SDC2: variants seen among roughly 807,000 people sequenced by gnomAD.
SDC2 encodes syndecan 2, also known as syndecan-2.
A neutral mutation model predicts 22.2 loss-of-function variants in SDC2; 13 were observed. That is an observed-to-expected ratio of 0.59 (90% CI 0.38 to 0.93). The LOEUF is 0.93. Ranked by LOEUF, SDC2 falls within the 40% of genes least tolerant of loss-of-function variation. The pLI is 0.00. For missense variants in SDC2, 235 were observed against 246.8 expected (o/e 0.95, Z 0.32); for synonymous variants, 94 against 92.8 (o/e 1.01, Z -0.07).
At chr8:96,555,218 G>T (rs1303655454) in intron 1 of SDC2, among the ~76,000 whole-genome samples, 1 of 151,958 alleles carries the variant, frequency 6.6e-6, no homozygotes, top group Non-Finnish European at 1.5e-5. Flanking sequence ...ATACTTAAGA[G>T]GTACCCACAT....
chr8:96,577,292 A>G (rs1192071588), intron 1 of SDC2, among the ~76,000 whole-genome samples: 1 of 152,216 alleles, frequency 6.6e-6, no homozygotes, highest in Non-Finnish European at 1.5e-5. Flanking sequence ...ACAAACAAGA[A>G]CCATCTCTTG....
chr8:96,542,546 C>A (rs1813868328), intron 1 of SDC2, among the ~76,000 whole-genome samples: 1 of 151,962 alleles, frequency 6.6e-6, no homozygotes, highest in Non-Finnish European at 1.5e-5. Flanking sequence ...CAAGCTTTTT[C>A]CAGTGGTCTC....
At chr8:96,521,410 G>C (rs1813495350) in intron 1 of SDC2, among the ~76,000 whole-genome samples, 1 of 152,174 alleles carries the variant, frequency 6.6e-6, no homozygotes, top group South Asian at 2.1e-4. Context: ...CTCGGATCTA[G>C]GGAGACTGCT....
intron 1 of SDC2, among the ~76,000 whole-genome samples, chr8:96,499,964 C>T (rs878977): frequency 5.9e-5 from 9 of 152,084 alleles, no homozygotes; most frequent in South Asian, 2.1e-4. Flanking sequence ...TGCAGATACC[C>T]GTGGGCCTGG....
At chr8:96,597,530 T>A (rs1814898803) in intron 2 of SDC2, among the ~76,000 whole-genome samples, 1 of 152,100 alleles carries the variant, frequency 6.6e-6, no homozygotes, top group Admixed American at 6.5e-5. Flanking sequence ...GAAAAACTTG[T>A]AACATGAGAG....
At chr8:96,609,320 CAATA>C in intron 4 of SDC2, 61 bp from the exon 5 acceptor site, 1 of 1,318,164 alleles carries the variant, frequency 7.6e-7, no homozygotes, top group Non-Finnish European at 1.0e-6. Context: ...TTAGGCTTGA[CAATA>C]AAGCTAATGT....
At chr8:96,519,500 A>C (rs1460483800) in intron 1 of SDC2, among the ~76,000 whole-genome samples, 1 of 152,170 alleles carries the variant, frequency 6.6e-6, no homozygotes, top group Non-Finnish European at 1.5e-5. Flanking sequence ...AAGGTTTAAC[A>C]AAATAGTTGT....
intron 1 of SDC2, among the ~76,000 whole-genome samples, chr8:96,539,850 G>C (rs954337994): frequency 6.6e-6 from 1 of 152,020 alleles, no homozygotes; most frequent in African/African-American, 2.4e-5. Flanking sequence ...TCTGGAGCAA[G>C]GTATAATTTA....
intron 1 of SDC2, among the ~76,000 whole-genome samples, chr8:96,519,485 C>T (rs1298463814): frequency 6.6e-6 from 1 of 151,980 alleles, no homozygotes; most frequent in African/African-American, 2.4e-5. Context: ...AGGTTGTTTT[C>T]TGGGAAGGTT....
intron 1 of SDC2, among the ~76,000 whole-genome samples, chr8:96,589,536 G>T (rs1449158187): frequency 6.6e-6 from 1 of 152,026 alleles, no homozygotes; most frequent in African/African-American, 2.4e-5. Flanking sequence ...CCTCAGCCTT[G>T]CGAGTAGCTG....
At chr8:96,549,950 A>G (rs559580848) in intron 1 of SDC2, among the ~76,000 whole-genome samples, 1 of 152,282 alleles carries the variant, frequency 6.6e-6, no homozygotes, top group Admixed American at 6.5e-5. Flanking sequence ...AATCCAGCTC[A>G]TCTTTAAGAT....
At position 96,599,154 on chromosome 8, in the gene SDC2, G is replaced by A. The variant is rs956928960; in HGVS notation, c.173-3241G>A. Among the ~76,000 whole-genome samples, 7 of 152,110 alleles carry A rather than the reference G, an allele frequency of 4.6e-5. No individual in the cohort carries two copies. In the East Asian group the frequency reaches 1.4e-3, roughly 30 times the overall value. On this transcript the variant is annotated intron_variant, in intron 2 of 4. Transcript: ENST00000302190. ...GATGGGGTTTCACCATGTTAGCCAA[G>A]ATGGTCTTGATCTCCTGACCTCGTG...
At chr8:96,494,621 C>T (rs907409178) in intron 1 of SDC2, among the ~76,000 whole-genome samples, 5 of 152,086 alleles carry the variant, frequency 3.3e-5, no homozygotes, top group Non-Finnish European at 4.4e-5. Context: ...TCTTCGCCCT[C>T]GGCGGGTCTT....
At chr8:96,539,342 T>TA (rs1459939147) in intron 1 of SDC2, among the ~76,000 whole-genome samples, 1 of 152,254 alleles carries the variant, frequency 6.6e-6, no homozygotes, top group Non-Finnish European at 1.5e-5. Flanking sequence ...TTTGGGTACT[T>TA]ACATTTTCTT....
chr8:96,539,876 T>A (rs1312889402), intron 1 of SDC2, among the ~76,000 whole-genome samples: 1 of 152,144 alleles, frequency 6.6e-6, no homozygotes, highest in Non-Finnish European at 1.5e-5. Flanking sequence ...TACCTACCCT[T>A]AGGACACCAT....
intron 1 of SDC2, among the ~76,000 whole-genome samples, chr8:96,574,986 G>T (rs1431087924): frequency 6.6e-6 from 1 of 152,140 alleles, no homozygotes; most frequent in African/African-American, 2.4e-5. Context: ...CCTCACATGT[G>T]CAGTTCACAA....
At chr8:96,495,328 T>C (rs1005577194) in intron 1 of SDC2, among the ~76,000 whole-genome samples, 14 of 152,154 alleles carry the variant, frequency 9.2e-5, no homozygotes, top group African/African-American at 3.4e-4. Flanking sequence ...ATTTCTCCTT[T>C]TGGTCGCGCT....
intron 1 of SDC2, among the ~76,000 whole-genome samples, chr8:96,525,612 C>A (rs993998361): frequency 6.6e-6 from 1 of 152,138 alleles, no homozygotes; most frequent in African/African-American, 2.4e-5. Flanking sequence ...CTTGTCTACC[C>A]TCCAGGCTGG....
chr8:96,599,200 C>T (rs921426376), intron 2 of SDC2, among the ~76,000 whole-genome samples: 2 of 152,102 alleles, frequency 1.3e-5, no homozygotes, highest in Non-Finnish European at 2.9e-5. Flanking sequence ...CTCGGCCTCC[C>T]AAAGTGCTAG....
Sources: gnomAD v4.1 joint callset for allele counts (sites outside exome capture counted in the v4.1 genomes callset) on GRCh38, gnomAD v4.1.1 for gene constraint, MANE v1.5 for transcripts, NCBI Gene and HGNC (gene_info 2026-07-23, HGNC 2026-07-21) for gene names.